Variants in FBXO28 observed in about 807,000 individuals in gnomAD.
FBXO28 encodes the protein F-box protein 28, also known as F-box only protein 28.
In FBXO28, 8 loss-of-function variants were observed where a neutral mutation model predicts 38.1. The observed-to-expected ratio is 0.21, with a 90% CI of 0.12 to 0.38. The LOEUF (loss-of-function observed/expected upper bound fraction) is 0.38, where lower values mean the gene tolerates loss of function less well. FBXO28 is among the 10% of genes least tolerant of loss of function. The pLI, the probability that FBXO28 is intolerant of heterozygous loss-of-function variation, is 1.00. For missense variants in FBXO28, 345 were observed against 460.6 expected (o/e 0.75, Z 2.30); for synonymous variants, 168 against 173.8 (o/e 0.97, Z 0.26).
At chr1:224,122,605 C>A (rs1390853061) in intron 1 of FBXO28, among the ~76,000 whole-genome samples, 1 of 149,864 alleles carries the variant, frequency 6.7e-6, no homozygotes, top group African/African-American at 2.5e-5. Flanking sequence ...TTTTTTTTTA[C>A]AGCCCCCCCC....
rs1657812628 is a variant in FBXO28, at chr1:224,158,052, C to T, written c.*306C>T. On this transcript the variant is annotated 3_prime_UTR_variant, in exon 5 of 5. Coordinates refer to ENST00000366862, the MANE Select transcript of FBXO28 (RefSeq NM_015176.4). Reference sequence around the variant, plus strand: ...GTTAATTTGTTTCTGCATATATGCACATACATACGTAAGGATCTTAAACCC... The same window carrying T: ...GTTAATTTGTTTCTGCATATATGCATATACATACGTAAGGATCTTAAACCC... 7 of 1,088,816 alleles carry T rather than the reference C, an allele frequency of 6.4e-6. 1 individual carries two copies. The South Asian group carries it at 2.6e-4, about 41-fold the overall frequency. The allele number at this position is 1,088,816 out of a possible 1,614,324, so 67.4% of individuals were successfully genotyped here. A position where few individuals can be genotyped will look rare whatever the true frequency, so the allele number is the denominator to read the frequency against.
Position 224,139,309 on chromosome 1 carries a change from TTG to T in FBXO28, c.516+5105_516+5106del, listed in dbSNP as rs547451524. Among the ~76,000 whole-genome samples, 3 of 151,944 alleles carry T rather than the reference TTG, an allele frequency of 2.0e-5. No individual in the cohort carries two copies. In the South Asian group the frequency reaches 6.2e-4, roughly 31 times the overall value. The stretch of plus-strand genomic sequence containing the variant: ...GTGGTAAATTTTTTTATTCTTTTTT[TTG>T]TGTGTGTAAATTTTTATTCTCTTGT... On this transcript the variant is annotated intron_variant, in intron 3 of 4. Transcript: ENST00000366862.
intron 3 of FBXO28, among the ~76,000 whole-genome samples, chr1:224,144,048 G>A (rs962801296): frequency 6.6e-6 from 1 of 151,740 alleles, no homozygotes; most frequent in African/African-American, 2.4e-5. Context: ...CTACTCGGGA[G>A]GTTGAAGCAC....
chr1:224,143,194 G>C (rs1657405118), intron 3 of FBXO28, among the ~76,000 whole-genome samples: 1 of 150,648 alleles, frequency 6.6e-6, no homozygotes, highest in African/African-American at 2.4e-5. Flanking sequence ...ACTCCAGCCT[G>C]GGTGACAGAG....
At chr1:224,146,747 G>A (rs1009342598) in intron 3 of FBXO28, among the ~76,000 whole-genome samples, 16 of 130,286 alleles carry the variant, frequency 1.2e-4, no homozygotes, top group African/African-American at 3.6e-4. Context: ...TTGCTGTGTC[G>A]CCCAGGCTGG....
intron 1 of FBXO28, among the ~76,000 whole-genome samples, chr1:224,118,547 C>T (rs1024890826): frequency 2.6e-5 from 4 of 152,152 alleles, no homozygotes; most frequent in Admixed American, 1.3e-4. Context: ...TACATAAATA[C>T]GTGCTTTTGT....
rs1657122242 is a variant in FBXO28 at position 224,134,189 on chromosome 1, C to T, written c.493C>T (p.Leu165Phe). Residue 165 changes from leucine to phenylalanine, a missense_variant, in exon 3 of 5, where the codon CTC (leucine) becomes TTC (phenylalanine). By Grantham distance (22) the Leu-to-Phe change is conservative (BLOSUM62 0). Coordinates refer to ENST00000366862, the MANE Select transcript of FBXO28 (RefSeq NM_015176.4). ...MTFMKYVDSNLCCFIPGKVID... is the reference protein window; with the variant it reads ...MTFMKYVDSNFCCFIPGKVID... ...TTTCATGAAATATGTGGATTCCAAT[C>T]TCTGTTGCTTCATCCCAGGAAAGGT... is the stretch of plus-strand genomic sequence containing the variant. 1 of 1,611,772 alleles carries T rather than the reference C, an allele frequency of 6.2e-7. No homozygotes were observed. Among genetic ancestry groups the T allele is most frequent in the South Asian group, 1.1e-5 (1 of 90,878 alleles).
intron 1 of FBXO28, among the ~76,000 whole-genome samples, chr1:224,128,420 C>T (rs1469749546): frequency 6.6e-6 from 1 of 151,550 alleles, no homozygotes; most frequent in Non-Finnish European, 1.5e-5. Context: ...GCTAGGATAT[C>T]TCAGAAATAT....
intron 1 of FBXO28, among the ~76,000 whole-genome samples, chr1:224,117,085 A>C (rs1423586347): frequency 3.9e-5 from 6 of 152,032 alleles, no homozygotes; most frequent in African/African-American, 1.4e-4. Flanking sequence ...AGGTGGGAGA[A>C]TTGCTTGAAC....
chr1:224,157,818 T>A lies in FBXO28; in HGVS notation c.*72T>A, dbSNP rs1657806719. On this transcript the variant is annotated 3_prime_UTR_variant, in exon 5 of 5. Coordinates refer to ENST00000366862, the MANE Select transcript of FBXO28 (RefSeq NM_015176.4). ...TAAGCAGTTATGCATATCAGGATAC[T>A]GTGAGCAACATGGTGTCCCTTAAGC... The A allele has an allele frequency of 1.1e-5, 17 of 1,510,622 alleles. No homozygotes were observed. The South Asian group carries it at 2.3e-4, about 21-fold the overall frequency. The allele number at this position is 1,510,622 out of a possible 1,614,324, so 93.6% of individuals were successfully genotyped here.
In FBXO28 at chr1:224,157,553, A is replaced by G; in HGVS notation, c.914A>G (p.Glu305Gly). The G allele has an allele frequency of 6.2e-7, 1 of 1,614,284 alleles. No homozygotes were observed. Among genetic ancestry groups the G allele is most frequent in the Non-Finnish European group, 8.5e-7 (1 of 1,180,052 alleles). ...QLQDQDQKLL[E>G]QTQIIGEQNA... Reference sequence around the variant, plus strand: ...CAAGACCAGGACCAGAAACTGCTAGAGCAGACCCAGATCATAGGTGAACAA... The same window carrying G: ...CAAGACCAGGACCAGAAACTGCTAGGGCAGACCCAGATCATAGGTGAACAA... The change falls in exon 5 of 5, where the codon GAG becomes GGG. Residue 305 changes from glutamate to glycine, a missense_variant. Physicochemically the swap from Glu to Gly is moderately conservative, Grantham distance 98. Coordinates refer to ENST00000366862, the MANE Select transcript of FBXO28 (RefSeq NM_015176.4).
At chr1:224,148,925 A>G (rs1657575509) in intron 3 of FBXO28, among the ~76,000 whole-genome samples, 1 of 152,070 alleles carries the variant, frequency 6.6e-6, no homozygotes, top group Admixed American at 6.5e-5. Flanking sequence ...CTCTGTTTTC[A>G]CACAGCACTT....
At chr1:224,152,761 C>A (rs974717829) in intron 3 of FBXO28, among the ~76,000 whole-genome samples, 2 of 151,822 alleles carry the variant, frequency 1.3e-5, no homozygotes, top group Non-Finnish European at 2.9e-5. Flanking sequence ...AAACCCATCT[C>A]TACTAAAAAT....
chr1:224,158,168 GT>G lies in FBXO28; in HGVS notation c.*424del, dbSNP rs764349310. ...TACTTTTTAAATGGACACTATCTTG[GT>G]TCTTTTTTTTTTAAGTCATCTTTTT... On this transcript the variant is annotated 3_prime_UTR_variant, in exon 5 of 5. Coordinates refer to ENST00000366862, the MANE Select transcript of FBXO28 (RefSeq NM_015176.4). 119 of 981,150 alleles carry G rather than the reference GT, an allele frequency of 1.2e-4. No homozygotes were observed. The highest frequency in any genetic ancestry group is 1.4e-4 in the Non-Finnish European group (117 of 829,300). 60.8% of individuals were successfully genotyped at this position (981,150 alleles called of 1,614,324 possible). A position where few individuals can be genotyped will look rare whatever the true frequency, so the allele number is the denominator to read the frequency against.
chr1:224,151,703 C>A (rs932932918), intron 3 of FBXO28, among the ~76,000 whole-genome samples: 1 of 152,144 alleles, frequency 6.6e-6, no homozygotes, highest in East Asian at 1.9e-4. Flanking sequence ...TCAGTTCTTA[C>A]GAGGTTAAGG....
At chr1:224,139,553 C>T (rs914586074) in intron 3 of FBXO28, among the ~76,000 whole-genome samples, 6 of 151,830 alleles carry the variant, frequency 4.0e-5, no homozygotes, top group African/African-American at 1.5e-4. Context: ...ACCAGCCTGG[C>T]CAACATGGTG....
chr1:224,115,035 T>C (rs1252999352), intron 1 of FBXO28, among the ~76,000 whole-genome samples: 4 of 152,076 alleles, frequency 2.6e-5, no homozygotes. Context: ...CTTTGCCTCA[T>C]CCTAACGCTT....
intron 3 of FBXO28, among the ~76,000 whole-genome samples, chr1:224,135,171 G>A (rs1174383231): frequency 6.6e-6 from 1 of 152,016 alleles, no homozygotes; most frequent in East Asian, 1.9e-4. Flanking sequence ...CTTTTTGTAG[G>A]GTGCTATAAG....
Position 224,128,244 on chromosome 1 carries a change from TA to T in FBXO28, c.268-2227del, listed in dbSNP as rs199869148. 5.2e-3 allele frequency among the ~76,000 whole-genome samples: 718 copies of T among 138,598 alleles called. 4 individuals carry two copies. Among genetic ancestry groups the T allele is most frequent in the Non-Finnish European group, 8.6e-3 (539 of 62,730 alleles). The allele number at this position is 138,598 out of a possible 152,430, so 90.9% of individuals were successfully genotyped here. A position where few individuals can be genotyped will look rare whatever the true frequency, so the allele number is the denominator to read the frequency against. On this transcript the variant is annotated intron_variant, in intron 1 of 4. Transcript: ENST00000366862. The stretch of plus-strand genomic sequence containing the variant: ...CCATGTCTTTTTTTATTATTATTAT[TA>T]TTTTTTTTTATTTTATTTTTTTAAC...
Sources: allele counts gnomAD v4.1 joint callset (sites outside exome capture counted in the v4.1 genomes callset), GRCh38; gene constraint gnomAD v4.1.1; transcripts MANE v1.5; gene names NCBI Gene and HGNC (gene_info 2026-07-23, HGNC 2026-07-21).